Variants in KCNQ3 observed in about 807,000 individuals in gnomAD.
The protein encoded by KCNQ3 is potassium voltage-gated channel subfamily Q member 3.
A neutral mutation model predicts 92.5 loss-of-function variants in KCNQ3; 30 were observed. The observed-to-expected ratio is 0.32, with a 90% CI of 0.24 to 0.44. The LOEUF is 0.44. KCNQ3 is among the 20% of genes least tolerant of loss of function. The probability of loss-of-function intolerance (pLI) is 1.00; values close to 1 mark genes in which losing one functional copy is unlikely to be tolerated. For missense variants in KCNQ3, 913 were observed against 1,140.3 expected (o/e 0.80, Z 2.87); for synonymous variants, 450 against 468.8 (o/e 0.96, Z 0.52).
chr8:132,203,390 C>T (rs1190145524), intron 1 of KCNQ3, among the ~76,000 whole-genome samples: 1 of 152,198 alleles, frequency 6.6e-6, no homozygotes, highest in Non-Finnish European at 1.5e-5. Context: ...GAACTGGACA[C>T]ATCAGGGTCT....
At chr8:132,374,479 C>T (rs541611007) in intron 1 of KCNQ3, among the ~76,000 whole-genome samples, 10 of 152,268 alleles carry the variant, frequency 6.6e-5, no homozygotes, top group East Asian at 1.9e-4. Context: ...TACTGCCCCC[C>T]GCTGGCACTT....
chr8:132,138,820 G>A (rs534063705), intron 11 of KCNQ3, among the ~76,000 whole-genome samples: 2 of 152,132 alleles, frequency 1.3e-5, no homozygotes, highest in African/African-American at 2.4e-5. Context: ...GTCATAGCTC[G>A]TGGCTTCAGC....
chr8:132,295,835 A>G (rs1415927700), intron 1 of KCNQ3, among the ~76,000 whole-genome samples: 1 of 152,160 alleles, frequency 6.6e-6, no homozygotes, highest in Non-Finnish European at 1.5e-5. Context: ...CTGAACAGTG[A>G]GAACACATGG....
At position 132,125,910 on chromosome 8, in the gene KCNQ3, G is replaced by C. The variant is rs1016983223; in HGVS notation, c.*3352C>G. 6.4e-4 allele frequency: 97 copies of C among 152,060 alleles called. No homozygotes were observed. Among genetic ancestry groups the C allele is most frequent in the East Asian group, 3.9e-4 (2 of 5,190 alleles). The allele number at this position is 152,060 out of a possible 1,614,324, so 9.4% of individuals were successfully genotyped here. ...TTTCCTGAAATAATTTTTTTCTTAAGCTTTTGATATTTGCTTTTGTGCTGA... is the reference window on the plus strand; with the variant it reads ...TTTCCTGAAATAATTTTTTTCTTAACCTTTTGATATTTGCTTTTGTGCTGA... On this transcript the variant is annotated 3_prime_UTR_variant, in exon 15 of 15. Transcript: ENST00000388996.
At chr8:132,424,627 G>A (rs998459569) in intron 1 of KCNQ3, among the ~76,000 whole-genome samples, 1 of 152,160 alleles carries the variant, frequency 6.6e-6, no homozygotes, top group East Asian at 1.9e-4. Context: ...ACACAGACTT[G>A]GTGGCTTCAA....
At chr8:132,417,665 CCCAT>C (rs746543850) in intron 1 of KCNQ3, among the ~76,000 whole-genome samples, 1 of 149,188 alleles carries the variant, frequency 6.7e-6, no homozygotes, top group Non-Finnish European at 1.5e-5. Flanking sequence ...CCTGGGCAAA[CCCAT>C]CCATCCATCC....
chr8:132,169,350 G>C (rs1391458181), intron 8 of KCNQ3, among the ~76,000 whole-genome samples: 1 of 152,172 alleles, frequency 6.6e-6, no homozygotes, highest in Non-Finnish European at 1.5e-5. Context: ...GTACCTGTGG[G>C]GAATAAATGA....
chr8:132,205,155 A>G (rs1461421387), intron 1 of KCNQ3, among the ~76,000 whole-genome samples: 1 of 152,194 alleles, frequency 6.6e-6, no homozygotes, highest in Non-Finnish European at 1.5e-5. Flanking sequence ...TGAGAGCTGG[A>G]TGGGGTTGTG....
chr8:132,412,333 A>G (rs976793261), intron 1 of KCNQ3, among the ~76,000 whole-genome samples: 1 of 151,622 alleles, frequency 6.6e-6, no homozygotes, highest in African/African-American at 2.4e-5. Context: ...CCTGCTTTGC[A>G]TCTCCCCTTC....
chr8:132,461,084 A>T (rs2130858287), intron 1 of KCNQ3, among the ~76,000 whole-genome samples: 1 of 152,244 alleles, frequency 6.6e-6, no homozygotes, highest in African/African-American at 2.4e-5. Flanking sequence ...ATTTCTTTTT[A>T]CCACCAAATA....
intron 1 of KCNQ3, among the ~76,000 whole-genome samples, chr8:132,371,045 T>A (rs942746238): frequency 3.3e-5 from 5 of 152,220 alleles, no homozygotes; most frequent in African/African-American, 1.2e-4. Context: ...TCCTTGGGAA[T>A]ATCCCTCGTT....
chr8:132,420,055 C>G (rs940855256), intron 1 of KCNQ3, among the ~76,000 whole-genome samples: 6 of 152,164 alleles, frequency 3.9e-5, no homozygotes, highest in Non-Finnish European at 8.8e-5. Flanking sequence ...ATCAGGGTGC[C>G]AGCATTGCTG....
intron 1 of KCNQ3, among the ~76,000 whole-genome samples, chr8:132,273,407 C>T (rs1298254774): frequency 6.6e-6 from 1 of 152,174 alleles, no homozygotes; most frequent in African/African-American, 2.4e-5. Flanking sequence ...ATGCAGGGCA[C>T]CAAGTCCTTA....
intron 1 of KCNQ3, among the ~76,000 whole-genome samples, chr8:132,303,863 C>A (rs1817334079): frequency 6.7e-6 from 1 of 149,204 alleles, no homozygotes; most frequent in South Asian, 2.1e-4. Flanking sequence ...TGTATATATA[C>A]ACACATATAT....
chr8:132,388,450 C>T (rs144460987), intron 1 of KCNQ3, among the ~76,000 whole-genome samples: 5 of 151,864 alleles, frequency 3.3e-5, no homozygotes, highest in South Asian at 2.1e-4. Context: ...AATAGGGTAC[C>T]GATTAAAAAC....
chr8:132,170,697 A>T (rs1481009755), intron 7 of KCNQ3, among the ~76,000 whole-genome samples: 1 of 152,106 alleles, frequency 6.6e-6, no homozygotes, highest in Non-Finnish European at 1.5e-5. Context: ...AGAGAGTAGT[A>T]GGCATAAAAT....
chr8:132,368,743 G>A (rs933314480), intron 1 of KCNQ3, among the ~76,000 whole-genome samples: 1 of 152,170 alleles, frequency 6.6e-6, no homozygotes, highest in Admixed American at 6.5e-5. Context: ...AAATGTTTTA[G>A]TTTACACTAG....
intron 1 of KCNQ3, among the ~76,000 whole-genome samples, chr8:132,325,691 C>T (rs981867070): frequency 2.0e-5 from 3 of 152,206 alleles, no homozygotes; most frequent in Non-Finnish European, 4.4e-5. Flanking sequence ...TCTTGGACTT[C>T]TAGCCTTCAG....
intron 1 of KCNQ3, among the ~76,000 whole-genome samples, chr8:132,364,678 C>CGGAT (rs1819263521): frequency 8.1e-6 from 1 of 123,636 alleles, no homozygotes; most frequent in African/African-American, 3.5e-5. Context: ...GATGGACGGA[C>CGGAT]GGACGGACGG....
Sources: allele counts gnomAD v4.1 joint callset (sites outside exome capture counted in the v4.1 genomes callset), GRCh38; gene constraint gnomAD v4.1.1; transcripts MANE v1.5; gene names NCBI Gene and HGNC (gene_info 2026-07-23, HGNC 2026-07-21).